The following ZNF385D variants were observed in gnomAD, a reference collection of about 807,000 sequenced individuals.
ZNF385D encodes the protein zinc finger protein 385D, also known as zinc finger protein 659.
In ZNF385D, 15 loss-of-function variants were observed where a neutral mutation model predicts 35.8. The observed-to-expected ratio is 0.42, with a 90% CI of 0.28 to 0.64. ZNF385D has a LOEUF of 0.64. Among genes scored for constraint, ZNF385D ranks in the 30% least tolerant of loss-of-function variants. The pLI is 0.23. For synonymous variants in ZNF385D, 212 were observed against 186.8 expected (o/e 1.13, Z -1.10); for missense variants, 474 against 494.6 (o/e 0.96, Z 0.39).
rs181469341 is a variant in ZNF385D, at chr3:21,712,780, G to A, written c.22+38115C>T. Among the ~76,000 whole-genome samples the A allele has an allele frequency of 2.5e-3, 377 of 152,258 alleles. 1 individual carries two copies. Among genetic ancestry groups the A allele is most frequent in the African/African-American group, 8.7e-3 (363 of 41,554 alleles). Reference sequence around the variant, plus strand: ...CCTTTATCTACTCTGAGCAAATACAGTTCTCTCTACTCTATCAAGAGTAAT... The same window carrying A: ...CCTTTATCTACTCTGAGCAAATACAATTCTCTCTACTCTATCAAGAGTAAT... On this transcript the variant is annotated intron_variant, in intron 1 of 7. Transcript: ENST00000281523.
chr3:21,602,429 G>A lies in ZNF385D; in HGVS notation c.166-37745C>T, dbSNP rs561585684. On this transcript the variant is annotated intron_variant, in intron 2 of 7. Transcript: ENST00000281523. ...GGCACATAGAACTCTTATTTTACGG[G>A]AAATGCAGTGATGGAGACCCAAGTA... Among the ~76,000 whole-genome samples the A allele has an allele frequency of 4.0e-5, 6 of 151,550 alleles. No homozygotes were observed. In the South Asian group the frequency reaches 1.0e-3, roughly 26 times the overall value.
chr3:21,902,136 C>A (rs189474584), intron 3 of ZNF385D, among the ~76,000 whole-genome samples: 86 of 152,218 alleles, frequency 5.6e-4, no homozygotes, highest in African/African-American at 2.0e-3. Context: ...TTGTAGAAAT[C>A]TGTATTACCT....
At chr3:21,521,634 G>A (rs1369170359) in intron 3 of ZNF385D, among the ~76,000 whole-genome samples, 1 of 152,092 alleles carries the variant, frequency 6.6e-6, no homozygotes, top group Non-Finnish European at 1.5e-5. Context: ...TGTGCCTGCA[G>A]TCTCAGCTAC....
chr3:22,354,933 A>C (rs1696080405), intron 2 of ZNF385D, among the ~76,000 whole-genome samples: 2 of 152,108 alleles, frequency 1.3e-5, no homozygotes, highest in Admixed American at 1.3e-4. Context: ...CCATACAGGA[A>C]AACACAGATA....
chr3:22,312,897 A>C (rs865919442), intron 2 of ZNF385D, among the ~76,000 whole-genome samples: 1 of 129,700 alleles, frequency 7.7e-6, no homozygotes, highest in African/African-American at 3.2e-5. Flanking sequence ...CCATCCCATT[A>C]CTGGGTATAT....
At chr3:21,449,071 ATTAT>A (rs60981154) in intron 4 of ZNF385D, among the ~76,000 whole-genome samples, 32,961 of 144,926 alleles carry the variant, frequency 0.23, 4,419 homozygotes, top group African/African-American at 0.39. Flanking sequence ...TATAAATCTA[ATTAT>A]TTAAGTATAT....
intron 4 of ZNF385D, among the ~76,000 whole-genome samples, chr3:21,478,850 T>G (rs1044696093): frequency 1.3e-5 from 2 of 152,258 alleles, no homozygotes; most frequent in African/African-American, 4.8e-5. Context: ...TAACTTATTT[T>G]TTCTATTTAC....
At chr3:21,579,446 C>G (rs192539960) in intron 2 of ZNF385D, 1 of 151,938 alleles carries the variant, frequency 6.6e-6, no homozygotes, top group Admixed American at 6.6e-5. Context: ...TTCTCTTATT[C>G]TAAAATATGT....
At chr3:21,940,205 T>C (rs1701448473) in intron 3 of ZNF385D, among the ~76,000 whole-genome samples, 1 of 152,078 alleles carries the variant, frequency 6.6e-6, no homozygotes, top group Non-Finnish European at 1.5e-5. Context: ...TTTTTCAACA[T>C]ATGAAAAAAA....
intron 4 of ZNF385D, among the ~76,000 whole-genome samples, chr3:21,449,801 T>G (rs1702355591): frequency 6.6e-6 from 1 of 152,168 alleles, no homozygotes; most frequent in Admixed American, 6.5e-5. Flanking sequence ...ACTGGCAGAT[T>G]CTTCTTGCCC....
Position 21,435,131 on chromosome 3 carries a change from A to G in ZNF385D, c.673+1839T>C, listed in dbSNP as rs116530167. ...TTTAAAGCTCTGGGGTAATTTTGAC[A>G]CACAAAGTAGAGATAAGGACCTGGA... is the stretch of plus-strand genomic sequence containing the variant. On this transcript the variant is annotated intron_variant, in intron 5 of 7. Coordinates refer to ENST00000281523, the MANE Select transcript of ZNF385D (RefSeq NM_024697.3). 4.2e-3 allele frequency among the ~76,000 whole-genome samples: 637 copies of G among 152,206 alleles called. 2 individuals carry two copies. The highest frequency in any genetic ancestry group is 7.9e-3 in the Non-Finnish European group (536 of 68,010).
chr3:22,098,339 C>A (rs1701743921), intron 3 of ZNF385D, among the ~76,000 whole-genome samples: 2 of 151,932 alleles, frequency 1.3e-5, no homozygotes, highest in African/African-American at 4.8e-5. Flanking sequence ...AATTCAAGAA[C>A]TTTAAGTGTA....
intron 3 of ZNF385D, among the ~76,000 whole-genome samples, chr3:22,148,280 A>G (rs1704991719): frequency 6.6e-6 from 1 of 152,200 alleles, no homozygotes. Flanking sequence ...AAGCAGTAAA[A>G]GTCTTATACT....
At chr3:21,901,426 G>A (rs1575870885) in intron 3 of ZNF385D, among the ~76,000 whole-genome samples, 1 of 152,222 alleles carries the variant, frequency 6.6e-6, no homozygotes, top group East Asian at 1.9e-4. Context: ...CTCTCAAAAA[G>A]TACATTAAAC....
intron 1 of ZNF385D, among the ~76,000 whole-genome samples, chr3:21,688,924 A>G (rs1434975651): frequency 1.3e-5 from 2 of 152,174 alleles, no homozygotes; most frequent in African/African-American, 2.4e-5. Flanking sequence ...ACTACAATAT[A>G]TATGGAGAGA....
At chr3:22,070,210 G>A (rs1168487284) in intron 3 of ZNF385D, among the ~76,000 whole-genome samples, 1 of 151,900 alleles carries the variant, frequency 6.6e-6, no homozygotes, top group East Asian at 1.9e-4. Context: ...TAAATCAGTG[G>A]CCCCATCCCC....
chr3:21,583,372 A>AAT (rs1363470205), intron 2 of ZNF385D, among the ~76,000 whole-genome samples: 82 of 152,180 alleles, frequency 5.4e-4, no homozygotes, highest in African/African-American at 1.9e-3. Flanking sequence ...GGGCTCTTAG[A>AAT]ATATACTATC....
chr3:21,935,929 G>C (rs1476213933), intron 3 of ZNF385D, among the ~76,000 whole-genome samples: 2 of 152,076 alleles, frequency 1.3e-5, no homozygotes, highest in African/African-American at 4.8e-5. Flanking sequence ...CATTTTAAAG[G>C]GTCTTGAATG....
At chr3:21,661,770 A>G (rs1020296919) in intron 2 of ZNF385D, among the ~76,000 whole-genome samples, 3 of 152,122 alleles carry the variant, frequency 2.0e-5, no homozygotes, top group Admixed American at 1.3e-4. Context: ...TGATAGTCTC[A>G]TTGAATGTCT....
Sources: allele counts gnomAD v4.1 joint callset (sites outside exome capture counted in the v4.1 genomes callset), GRCh38; gene constraint gnomAD v4.1.1; transcripts MANE v1.5; gene names NCBI Gene and HGNC (gene_info 2026-07-23, HGNC 2026-07-21).